The following ATRX variants were observed in gnomAD, a reference collection of about 807,000 sequenced individuals.
ATRX encodes the protein ATRX chromatin remodeler, also known as chromatin remodeler ATRX.
A neutral mutation model predicts 172.6 loss-of-function variants in ATRX; 12 were observed. The observed-to-expected ratio is 0.07, with a 90% CI of 0.04 to 0.11. The LOEUF (loss-of-function observed/expected upper bound fraction) is 0.11. Among genes scored for constraint, ATRX ranks in the 10% least tolerant of loss-of-function variants. The probability of loss-of-function intolerance (pLI) is 1.00; values close to 1 mark genes in which losing one functional copy is unlikely to be tolerated. For synonymous variants in ATRX, 674 were observed against 594.7 expected (o/e 1.13, Z -1.94); for missense variants, 1,368 against 1,767.4 (o/e 0.77, Z 4.05).
intron 6 of ATRX, among the ~76,000 whole-genome samples, chrX:77,693,031 C>T (rs1470969955): frequency 9.0e-6 from 1 of 110,921 alleles, no homozygotes; most frequent in Non-Finnish European, 1.9e-5. Flanking sequence ...GGACTACAGG[C>T]ATGCGCCGCT....
chrX:77,662,962 T>C (rs1557123693), intron 12 of ATRX, among the ~76,000 whole-genome samples: 1 of 112,363 alleles, frequency 8.9e-6, no homozygotes, highest in African/African-American at 3.2e-5. Flanking sequence ...CCCAAAGTGC[T>C]GGGATTACAG....
intron 1 of ATRX, among the ~76,000 whole-genome samples, chrX:77,718,143 TTCCATCATTTA>T (rs1421664972): frequency 9.1e-6 from 1 of 110,465 alleles, no homozygotes; most frequent in African/African-American, 3.3e-5. Context: ...AGATTTTCCT[TTCCATCATTTA>T]AAAAAATAAT....
intron 15 of ATRX, among the ~76,000 whole-genome samples, chrX:77,640,947 A>G (rs1405827305): frequency 9.0e-6 from 1 of 111,477 alleles, no homozygotes; most frequent in Non-Finnish European, 1.9e-5. Flanking sequence ...AACAGCTCCC[A>G]GTGATCACAT....
At chrX:77,538,037 T>C (rs2063815584) in intron 30 of ATRX, among the ~76,000 whole-genome samples, 1 of 108,467 alleles carries the variant, frequency 9.2e-6, no homozygotes, top group African/African-American at 3.4e-5. Context: ...ACTGTCGGGG[T>C]GAGGGTTGAG....
intron 3 of ATRX, among the ~76,000 whole-genome samples, chrX:77,697,874 T>C (rs2072272187): frequency 8.9e-6 from 1 of 111,894 alleles, no homozygotes; most frequent in Non-Finnish European, 1.9e-5. Flanking sequence ...TGGCTGAAGA[T>C]TAAATTTCTC....
At chrX:77,565,671 C>T (rs2147983562) in intron 28 of ATRX, among the ~76,000 whole-genome samples, 1 of 111,166 alleles carries the variant, frequency 9.0e-6, no homozygotes, top group South Asian at 3.8e-4. Context: ...GTCTGGCCAA[C>T]ATGGTGAAAC....
At chrX:77,581,981 T>C (rs1193162011) in intron 27 of ATRX, among the ~76,000 whole-genome samples, 1 of 111,846 alleles carries the variant, frequency 8.9e-6, no homozygotes, top group Non-Finnish European at 1.9e-5. Flanking sequence ...TAAAAAATGA[T>C]AATGGAAACA....
At chrX:77,595,172 G>C (rs1438684320) in intron 25 of ATRX, 1 of 111,626 alleles carries the variant, frequency 9.0e-6, no homozygotes, top group Non-Finnish European at 1.9e-5. Flanking sequence ...AAGTTCTTGA[G>C]AATCTAATCA....
At chrX:77,564,744 G>A (rs1275139711) in intron 28 of ATRX, among the ~76,000 whole-genome samples, 1 of 109,676 alleles carries the variant, frequency 9.1e-6, no homozygotes, top group African/African-American at 3.3e-5. Flanking sequence ...ACTCCAGAAG[G>A]TGCTGTCAAA....
At chrX:77,602,964 T>C (rs1250977191) in intron 22 of ATRX, among the ~76,000 whole-genome samples, 1 of 110,921 alleles carries the variant, frequency 9.0e-6, no homozygotes, top group Non-Finnish European at 1.9e-5. Flanking sequence ...AAAAGTTGTT[T>C]TTTTGAAAAA....
intron 22 of ATRX, among the ~76,000 whole-genome samples, chrX:77,607,851 T>TCCACAC (rs2066982559): frequency 9.1e-6 from 1 of 110,453 alleles, no homozygotes; most frequent in Non-Finnish European, 1.9e-5. Context: ...TGTTAAAATG[T>TCCACAC]CCACACCACC....
intron 9 of ATRX, among the ~76,000 whole-genome samples, chrX:77,678,340 G>A (rs1363768232): frequency 1.8e-5 from 2 of 111,575 alleles, no homozygotes; most frequent in Admixed American, 1.9e-4. Context: ...ATTAGTAACA[G>A]TACTGTCACT....
chrX:77,548,468 T>C (rs958008557), intron 30 of ATRX, among the ~76,000 whole-genome samples: 5 of 111,762 alleles, frequency 4.5e-5, no homozygotes, highest in Non-Finnish European at 9.4e-5. Flanking sequence ...ATGCTTCAAT[T>C]ATGAGCATGG....
At chrX:77,769,705 A>T (rs1269097596) in intron 1 of ATRX, among the ~76,000 whole-genome samples, 2 of 112,000 alleles carry the variant, frequency 1.8e-5, no homozygotes, top group African/African-American at 6.5e-5. Flanking sequence ...ATATTATTTG[A>T]TCCTCTCATT....
chrX:77,745,866 G>C (rs1163494956), intron 1 of ATRX, among the ~76,000 whole-genome samples: 1 of 111,513 alleles, frequency 9.0e-6, no homozygotes, highest in African/African-American at 3.3e-5. Flanking sequence ...TTGTATGTCT[G>C]TATCAATATT....
At chrX:77,738,018 G>A (rs1020210700) in intron 1 of ATRX, among the ~76,000 whole-genome samples, 9 of 111,349 alleles carry the variant, frequency 8.1e-5, no homozygotes, top group Admixed American at 2.9e-4. Context: ...TTTATTTGCT[G>A]AATAAAATAA....
chrX:77,529,042 A>C (rs1483766949), intron 30 of ATRX, among the ~76,000 whole-genome samples: 4 of 112,195 alleles, frequency 3.6e-5, no homozygotes, highest in Admixed American at 1.9e-4. Flanking sequence ...GAAGAGACCA[A>C]GGTGAGGAAA....
At chrX:77,736,949 T>C (rs2074596383) in intron 1 of ATRX, among the ~76,000 whole-genome samples, 2 of 111,823 alleles carry the variant, frequency 1.8e-5, no homozygotes, top group Admixed American at 1.9e-4. Flanking sequence ...GTTATTATGC[T>C]AAGTGAAATA....
chrX:77,578,466 A>G (rs1315342253), intron 27 of ATRX, among the ~76,000 whole-genome samples: 1 of 112,306 alleles, frequency 8.9e-6, no homozygotes, highest in African/African-American at 3.2e-5. Context: ...CTTGGATACC[A>G]GCTCAGTCAC....
Sources: gnomAD v4.1 joint callset for allele counts (sites outside exome capture counted in the v4.1 genomes callset) on GRCh38, gnomAD v4.1.1 for gene constraint, MANE v1.5 for transcripts, NCBI Gene and HGNC (gene_info 2026-07-23, HGNC 2026-07-21) for gene names.